The following SERPINB11 variants were observed in gnomAD, a reference collection of about 807,000 sequenced individuals.
SERPINB11 encodes serpin B11.
A neutral mutation model predicts 36.7 loss-of-function variants in SERPINB11; 32 were observed. The observed-to-expected ratio is 0.87, with a 90% confidence interval of 0.66 to 1.17. The LOEUF is 1.17. Ranked by LOEUF, SERPINB11 falls within the 50% of genes most tolerant of loss-of-function variation. The pLI is 0.00. For missense variants in SERPINB11, 528 were observed against 458.4 expected (o/e 1.15, Z -1.39); for synonymous variants, 174 against 168.1 (o/e 1.04, Z -0.27).
intron 5 of SERPINB11, among the ~76,000 whole-genome samples, chr18:63,717,193 A>G (rs138801393): frequency 0.011 from 1,598 of 152,186 alleles, 16 homozygotes; most frequent in Non-Finnish European, 0.017. Flanking sequence ...TCATCCATGT[A>G]GTTACACATT....
At chr18:63,720,727 C>A in intron 6 of SERPINB11, 104 bp from the exon 7 acceptor site, 1 of 771,668 alleles carries the variant, frequency 1.3e-6, no homozygotes, top group Non-Finnish European at 2.1e-6. Flanking sequence ...TTTACCCATG[C>A]CTTTAGAGTG....
chr18:63,704,729 G>A (rs1382160481), intron 1 of SERPINB11, among the ~76,000 whole-genome samples: 1 of 152,144 alleles, frequency 6.6e-6, no homozygotes, highest in African/African-American at 2.4e-5. Context: ...GTGAAGTGAG[G>A]CGAACATCAT....
At chr18:63,709,917 A>T (rs1914473334) in intron 1 of SERPINB11, among the ~76,000 whole-genome samples, 2 of 152,324 alleles carry the variant, frequency 1.3e-5, no homozygotes, top group African/African-American at 4.8e-5. Flanking sequence ...TAGATTATTT[A>T]AAAATATACA....
intron 4 of SERPINB11, 43 bp downstream of exon 4, chr18:63,712,736 C>G (rs761618284): frequency 6.3e-7 from 1 of 1,593,042 alleles, no homozygotes; most frequent in Non-Finnish European, 8.6e-7. Flanking sequence ...TCTTGGCGTC[C>G]TCTGAATTTC....
At position 63,720,116 on chromosome 18, in the gene SERPINB11, A is replaced by G; in HGVS notation, c.579A>G (p.Gln193=). Residue 193 remains glutamine, a synonymous_variant, in exon 6 of 8, where the codon CAA becomes CAG. Coordinates refer to ENST00000544088, the MANE Select transcript of SERPINB11 (RefSeq NM_001370475.1). ...AAGGACAATGGCAAAATAAATTTCA[A>G]GTAAGAGAGACAGTTAAAAGTCCTT... ...YFKGQWQNKF[Q]VRETVKSPFQ... is the part of the protein sequence containing the mutation. 6.2e-7 allele frequency: 1 copy of G among 1,608,890 alleles called. No individual in the cohort carries two copies. The highest frequency in any genetic ancestry group is 8.5e-7 in the Non-Finnish European group (1 of 1,176,300).
At chr18:63,704,108 C>T (rs1203793723) in intron 1 of SERPINB11, among the ~76,000 whole-genome samples, 1 of 152,166 alleles carries the variant, frequency 6.6e-6, no homozygotes, top group Non-Finnish European at 1.5e-5. Context: ...CTGAAATGGG[C>T]TAAGCAACAT....
intron 4 of SERPINB11, among the ~76,000 whole-genome samples, chr18:63,715,528 A>C (rs1914645472): frequency 6.6e-6 from 1 of 152,200 alleles, no homozygotes; most frequent in Admixed American, 6.5e-5. Context: ...CAGAAATGCC[A>C]ACTATCTACA....
rs751936908 is a variant in SERPINB11, at chr18:63,716,016, A to G, written c.358-19A>G. ...TACACTGCTTTTGAATTGTTGTTCA[A>G]TTATCATGTCTTTCATAGCAATATT... On this transcript the variant is annotated intron_variant, in intron 4 of 7. Coordinates refer to ENST00000544088, the MANE Select transcript of SERPINB11 (RefSeq NM_001370475.1). The G allele has an allele frequency of 6.6e-7, 1 of 1,505,126 alleles. No homozygotes were observed. Among genetic ancestry groups the G allele is most frequent in the South Asian group, 1.2e-5 (1 of 85,656 alleles). 93.2% of individuals were successfully genotyped at this position (1,505,126 alleles called of 1,614,324 possible).
chr18:63,713,077 A>G (rs1408110119), intron 4 of SERPINB11, among the ~76,000 whole-genome samples: 2 of 152,202 alleles, frequency 1.3e-5, no homozygotes, highest in Non-Finnish European at 2.9e-5. Flanking sequence ...AAGAGACAGG[A>G]GTTCTGTTTC....
intron 7 of SERPINB11, among the ~76,000 whole-genome samples, chr18:63,721,736 A>G (rs1247883249): frequency 2.0e-5 from 3 of 152,128 alleles, no homozygotes; most frequent in African/African-American, 7.2e-5. Context: ...GTCGGGTGGT[A>G]GGGAAGGCTT....
At chr18:63,709,339 T>C (rs1914453395) in intron 1 of SERPINB11, among the ~76,000 whole-genome samples, 1 of 152,060 alleles carries the variant, frequency 6.6e-6, no homozygotes, top group Non-Finnish European at 1.5e-5. Flanking sequence ...AGTGCGGGCA[T>C]GGTGGCTCAC....
At chr18:63,702,890 T>C (rs1275073250), upstream of SERPINB11, 2 of 151,574 alleles carry the variant, frequency 1.3e-5, no homozygotes, top group African/African-American at 4.9e-5. Context: ...GCTGAATCAC[T>C]AAGGGCACAA....
At chr18:63,708,648 T>A (rs1194559326) in intron 1 of SERPINB11, among the ~76,000 whole-genome samples, 1 of 152,142 alleles carries the variant, frequency 6.6e-6, no homozygotes, top group Non-Finnish European at 1.5e-5. Flanking sequence ...CTTTTGGACA[T>A]GTTAAGTTTG....
chr18:63,702,838 A>T (rs1408829039), upstream of SERPINB11: 3 of 152,082 alleles, frequency 2.0e-5, no homozygotes, highest in African/African-American at 7.2e-5. Flanking sequence ...CTCTTGATGG[A>T]CTTCATTTTC....
In SERPINB11 at chr18:63,716,097, G is replaced by A; in HGVS notation, c.420G>A (p.Gln140=). 6.2e-7 allele frequency: 1 copy of A among 1,612,336 alleles called. No homozygotes were observed. The highest frequency in any genetic ancestry group is 8.5e-7 in the Non-Finnish European group (1 of 1,178,972). Reference sequence around the variant, plus strand: ...GGTTGCAAACTGTGGATTTTGAACAGTCTACAGAAGAAACGAGGAAAACGA... The same window carrying A: ...GGTTGCAAACTGTGGATTTTGAACAATCTACAGAAGAAACGAGGAAAACGA... The part of the protein sequence containing the change: ...QARLQTVDFE[Q]STEETRKTIN... The change falls in exon 5 of 8, where the codon CAG becomes CAA. Residue 140 remains glutamine (Q), a synonymous_variant. Transcript: ENST00000544088.
chr18:63,708,504 C>T (rs180942425), intron 1 of SERPINB11, among the ~76,000 whole-genome samples: 57 of 151,096 alleles, frequency 3.8e-4, no homozygotes, highest in African/African-American at 1.2e-3. Context: ...AGAATAAGAA[C>T]GAGAAAGTAC....
chr18:63,723,720 C>T lies in SERPINB11; in HGVS notation c.*321C>T, dbSNP rs1914889845. Reference sequence around the variant, plus strand: ...TTAGATTTTCTTGACTTGTATGTATCTGTGAGATCTTGAATAAGTGACCTG... The same window carrying T: ...TTAGATTTTCTTGACTTGTATGTATTTGTGAGATCTTGAATAAGTGACCTG... On this transcript the variant is annotated 3_prime_UTR_variant, in exon 8 of 8. Coordinates refer to ENST00000544088, the MANE Select transcript of SERPINB11 (RefSeq NM_001370475.1). 3 of 224,194 alleles carry T rather than the reference C, an allele frequency of 1.3e-5. No homozygotes were observed. In the Admixed American group the frequency reaches 1.7e-4, roughly 13 times the overall value. The allele number at this position is 224,194 out of a possible 1,614,324, so 13.9% of individuals were successfully genotyped here. A position where few individuals can be genotyped will look rare whatever the true frequency, so the allele number is the denominator to read the frequency against.
intron 1 of SERPINB11, among the ~76,000 whole-genome samples, chr18:63,703,563 A>G (rs1351157289): frequency 1.3e-5 from 2 of 152,242 alleles, no homozygotes; most frequent in Non-Finnish European, 2.9e-5. Context: ...GAATGAGCAT[A>G]TGTGAAATTC....
intron 4 of SERPINB11, among the ~76,000 whole-genome samples, chr18:63,715,200 G>C (rs1914637026): frequency 6.6e-6 from 1 of 152,086 alleles, no homozygotes; most frequent in Non-Finnish European, 1.5e-5. Flanking sequence ...GTCCCACTGG[G>C]CTGTGGAGGT....
Sources: gnomAD v4.1 joint callset for allele counts (sites outside exome capture counted in the v4.1 genomes callset) on GRCh38, gnomAD v4.1.1 for gene constraint, MANE v1.5 for transcripts, NCBI Gene and HGNC (gene_info 2026-07-23, HGNC 2026-07-21) for gene names.